Variants in SLIT2 observed in about 807,000 individuals in gnomAD.
SLIT2 encodes the protein slit homolog 2 protein.
In SLIT2, 41 loss-of-function variants were observed where a neutral mutation model predicts 185.7. That is an observed-to-expected ratio of 0.22 (90% CI 0.17 to 0.29). The LOEUF is 0.29. SLIT2 is among the 10% of genes least tolerant of loss of function. SLIT2 has a pLI of 1.00. For synonymous variants in SLIT2, 693 were observed against 680.2 expected, an observed-to-expected ratio of 1.02 and a Z score of -0.29; for missense variants, 1,571 against 1,909.0, an observed-to-expected ratio of 0.82 and a Z score of 3.30.
At position 20,253,309 on chromosome 4, in the gene SLIT2, T is replaced by A. The variant is rs1319726351; in HGVS notation, c.-507T>A. The A allele has an allele frequency of 6.5e-6, 1 of 154,690 alleles. No homozygotes were observed. The highest frequency in any genetic ancestry group is 2.4e-5 in the African/African-American group (1 of 41,496). The allele number at this position is 154,690 out of a possible 1,614,324, so 9.6% of individuals were successfully genotyped here. ...CCGCTGGGCTTCCGCGCCTTCTAGC[T>A]TCCGGAGCCCACTTTGATCGGGGCC... On this transcript the variant is annotated 5_prime_UTR_variant, in exon 1 of 37. Coordinates refer to ENST00000504154, the MANE Select transcript of SLIT2 (RefSeq NM_004787.4).
intron 36 of SLIT2, 83 bp downstream of exon 36, chr4:20,617,733 GAAAA>G (rs66600811): frequency 1.4e-4 from 71 of 496,948 alleles, no homozygotes; most frequent in Non-Finnish European, 1.7e-4. Flanking sequence ...GAGAAAAAGT[GAAAA>G]AAAAAAAAAA....
At chr4:20,483,278 G>A (rs1013275589) in intron 6 of SLIT2, among the ~76,000 whole-genome samples, 5 of 151,914 alleles carry the variant, frequency 3.3e-5, no homozygotes, top group African/African-American at 4.8e-5. Context: ...ATATATGAGC[G>A]TACAAAGAGT....
chr4:20,522,024 C>T (rs777260782), intron 12 of SLIT2, among the ~76,000 whole-genome samples: 2 of 152,108 alleles, frequency 1.3e-5, no homozygotes, highest in Non-Finnish European at 2.9e-5. Flanking sequence ...GTATTGCCTA[C>T]AGTTTCTCCC....
intron 7 of SLIT2, among the ~76,000 whole-genome samples, chr4:20,488,244 G>A (rs568896455): frequency 1.3e-5 from 2 of 152,202 alleles, no homozygotes; most frequent in South Asian, 4.2e-4. Flanking sequence ...AGGAGCCAAA[G>A]GAGCTAATCC....
intron 24 of SLIT2, among the ~76,000 whole-genome samples, chr4:20,550,621 A>G (rs1432474176): frequency 6.6e-6 from 1 of 151,672 alleles, no homozygotes; most frequent in Non-Finnish European, 1.5e-5. Flanking sequence ...TTAATTCTTC[A>G]TTCTGGAATT....
At chr4:20,409,710 T>C (rs1320644426) in intron 4 of SLIT2, among the ~76,000 whole-genome samples, 1 of 152,220 alleles carries the variant, frequency 6.6e-6, no homozygotes. Flanking sequence ...CATTCCTTTT[T>C]CTCCACAACC....
intron 4 of SLIT2, among the ~76,000 whole-genome samples, chr4:20,402,702 T>G (rs933098477): frequency 6.6e-6 from 1 of 151,858 alleles, no homozygotes; most frequent in Admixed American, 6.6e-5. Context: ...CCTACACAAT[T>G]TGCCTCGAGT....
chr4:20,311,053 A>AT (rs1255986386), intron 4 of SLIT2, among the ~76,000 whole-genome samples: 2 of 152,040 alleles, frequency 1.3e-5, no homozygotes, highest in African/African-American at 2.4e-5. Flanking sequence ...TCAGCAAATT[A>AT]TTTTTTTAAT....
intron 4 of SLIT2, among the ~76,000 whole-genome samples, chr4:20,377,336 T>A (rs1724105742): frequency 6.6e-6 from 1 of 152,126 alleles, no homozygotes; most frequent in African/African-American, 2.4e-5. Context: ...CTATTAAGAT[T>A]AAAATTAAAT....
chr4:20,280,495 G>C lies in SLIT2; in HGVS notation c.395+11614G>C, dbSNP rs192921322. Among the ~76,000 whole-genome samples the C allele has an allele frequency of 1.6e-4, 24 of 152,168 alleles. No homozygotes were observed. The East Asian group carries it at 4.1e-3, about 26-fold the overall frequency. On this transcript the variant is annotated intron_variant, in intron 4 of 36. Transcript: ENST00000504154. ...TTATATATGAGTATGTAGTAAGTCA[G>C]ATAAGAGAGGGACCTTGCCCAATGT...
chr4:20,415,265 G>C (rs1387098490), intron 4 of SLIT2, among the ~76,000 whole-genome samples: 1 of 152,170 alleles, frequency 6.6e-6, no homozygotes, highest in East Asian at 1.9e-4. Flanking sequence ...CAAAAAATTA[G>C]CTGGGCGTGG....
chr4:20,567,075 GCCT>G (rs1410066483), intron 26 of SLIT2, among the ~76,000 whole-genome samples, 184 bp from the exon 27 acceptor site: 2 of 151,972 alleles, frequency 1.3e-5, no homozygotes, highest in Non-Finnish European at 2.9e-5. Flanking sequence ...AATTGAGAAG[GCCT>G]CCTGTTGCAT....
At chr4:20,271,776 C>T (rs1392457379) in intron 4 of SLIT2, among the ~76,000 whole-genome samples, 1 of 151,906 alleles carries the variant, frequency 6.6e-6, no homozygotes, top group Non-Finnish European at 1.5e-5. Flanking sequence ...TAGATTAAAG[C>T]TAGTTGGATA....
intron 4 of SLIT2, among the ~76,000 whole-genome samples, chr4:20,410,334 C>T (rs186150802): frequency 1.6e-4 from 24 of 147,492 alleles, no homozygotes; most frequent in Admixed American, 3.4e-4. Context: ...CTGCAACCTC[C>T]GCCTCCCAGG....
At chr4:20,388,914 A>G (rs1232675035) in intron 4 of SLIT2, among the ~76,000 whole-genome samples, 2 of 146,584 alleles carry the variant, frequency 1.4e-5, no homozygotes, top group African/African-American at 4.9e-5. Context: ...TATACATATA[A>G]TATATATAAT....
At chr4:20,605,245 T>G (rs1728700635) in intron 33 of SLIT2, among the ~76,000 whole-genome samples, 1 of 152,218 alleles carries the variant, frequency 6.6e-6, no homozygotes, top group Non-Finnish European at 1.5e-5. Flanking sequence ...GTTGTGTGTA[T>G]GCAAAATAGA....
chr4:20,519,254 C>A (rs1720600843), intron 11 of SLIT2, 128 bp from the exon 12 acceptor site: 1 of 641,770 alleles, frequency 1.6e-6, no homozygotes, highest in East Asian at 2.8e-5. Context: ...AGTTTGTTTA[C>A]TCAGCTATAA....
intron 4 of SLIT2, among the ~76,000 whole-genome samples, chr4:20,406,208 C>T (rs1259897912): frequency 6.9e-6 from 1 of 144,340 alleles, no homozygotes; most frequent in African/African-American, 2.4e-5. Context: ...AATAATATTT[C>T]TTGCAGATAT....
At chr4:20,314,604 A>G (rs371480122) in intron 4 of SLIT2, among the ~76,000 whole-genome samples, 49 of 152,162 alleles carry the variant, frequency 3.2e-4, no homozygotes, top group African/African-American at 1.0e-3. Flanking sequence ...TTGGCTGTCT[A>G]TATTCTTGGC....
Sources: allele counts gnomAD v4.1 joint callset (sites outside exome capture counted in the v4.1 genomes callset), GRCh38; gene constraint gnomAD v4.1.1; transcripts MANE v1.5; gene names NCBI Gene and HGNC (gene_info 2026-07-23, HGNC 2026-07-21).